The following ICA1L variants were observed in gnomAD, a reference collection of about 807,000 sequenced individuals.
The protein encoded by ICA1L is islet cell autoantigen 1 like.
A neutral mutation model predicts 61.3 loss-of-function variants in ICA1L; 50 were observed. The observed-to-expected ratio is 0.82, with a 90% CI of 0.65 to 1.03. The LOEUF is 1.03. Ranked by LOEUF, ICA1L falls within the 50% of genes least tolerant of loss-of-function variation. The pLI is 0.00. For missense variants in ICA1L, 508 were observed against 556.7 expected (o/e 0.91, Z 0.88); for synonymous variants, 161 against 191.3 (o/e 0.84, Z 1.31).
Position 202,774,186 on chromosome 2 carries a change from A to G in ICA1L, c.*5347T>C. On this transcript the variant is annotated 3_prime_UTR_variant, in exon 13 of 13. Coordinates refer to ENST00000358299, the MANE Select transcript of ICA1L (RefSeq NM_001288622.3). ...CTGAGCGGCTTCTTGGAGAGCGGGC[A>G]CACCAGGAACTCCAGCAGCGCCGGA... 2 of 1,550,788 alleles carry G rather than the reference A, an allele frequency of 1.3e-6. No individual in the cohort carries two copies. Among genetic ancestry groups the G allele is most frequent in the Non-Finnish European group, 8.7e-7 (1 of 1,146,370 alleles).
At position 202,837,999 on chromosome 2, in the gene ICA1L, G is replaced by A. The variant is rs568334000; in HGVS notation, c.-7-8983C>T. On this transcript the variant is annotated intron_variant, in intron 1 of 12. Transcript: ENST00000358299. ...CTCCCAAGGAGTTGGGATTATAGGC[G>A]CCCACCACCACGCCTGGCTAATTTT... 3.3e-5 allele frequency among the ~76,000 whole-genome samples: 5 copies of A among 151,986 alleles called. No homozygotes were observed. The East Asian group carries it at 9.7e-4, about 30-fold the overall frequency.
intron 10 of ICA1L, among the ~76,000 whole-genome samples, chr2:202,789,606 C>T (rs933377229): frequency 3.3e-5 from 5 of 152,246 alleles, no homozygotes; most frequent in African/African-American, 4.8e-5. Flanking sequence ...ACATTACAAA[C>T]AACATGCTCT....
At chr2:202,814,322 TCAGG>T (rs1693469759) in intron 8 of ICA1L, among the ~76,000 whole-genome samples, 1 of 152,046 alleles carries the variant, frequency 6.6e-6, no homozygotes, top group Non-Finnish European at 1.5e-5. Flanking sequence ...ATTAGTTCTC[TCAGG>T]AATGCTTCTG....
intron 2 of ICA1L, among the ~76,000 whole-genome samples, chr2:202,826,711 C>T (rs2105857479): frequency 6.7e-6 from 1 of 149,748 alleles, no homozygotes; most frequent in Admixed American, 6.7e-5. Context: ...ACCTTGTGAT[C>T]CACCTGCCTC....
chr2:202,822,761 A>G (rs1693733517), intron 3 of ICA1L, among the ~76,000 whole-genome samples: 1 of 152,172 alleles, frequency 6.6e-6, no homozygotes, highest in East Asian at 1.9e-4. Context: ...GCAGCAACAG[A>G]ACTCAGGCCT....
Position 202,815,976 on chromosome 2 carries a change from G to A in ICA1L, c.718C>T (p.Arg240Ter), listed in dbSNP as rs200103224. Residue 240 changes from arginine to a stop codon, truncating the protein, a stop_gained, in exon 7 of 13, where the codon CGA becomes TGA. Transcript: ENST00000358299. LOFTEE classifies it high-confidence loss of function. ...TLLGFWKKTA[R>*]MMSQIHEACI... The stretch of plus-strand genomic sequence containing the variant: ...GCTTCATGAATTTGGGACATCATTC[G>A]AGCTGTTTTCTTCCAGAATCCAAGC... The A allele has an allele frequency of 1.8e-4, 291 of 1,603,416 alleles. 1 individual carries two copies. The highest frequency in any genetic ancestry group is 2.3e-5 in the East Asian group (1 of 43,978).
chr2:202,821,563 A>AAT, intron 3 of ICA1L, 82 bp from the exon 4 acceptor site: 2 of 1,014,550 alleles, frequency 2.0e-6, no homozygotes, highest in Non-Finnish European at 2.9e-6. Flanking sequence ...ATCTCACAGC[A>AAT]ATAACTCTCT....
intron 3 of ICA1L, 120 bp from the exon 4 acceptor site, chr2:202,821,601 A>G (rs1559138449): frequency 3.0e-6 from 2 of 669,646 alleles, no homozygotes; most frequent in Non-Finnish European, 4.7e-6. Flanking sequence ...GGGAAGAAGA[A>G]GAGAGACTTA....
intron 6 of ICA1L, 62 bp from the exon 7 acceptor site, chr2:202,816,071 A>G (rs1190427144): frequency 4.9e-6 from 5 of 1,027,260 alleles, no homozygotes; most frequent in African/African-American, 3.3e-5. Flanking sequence ...TTTAAGTGCT[A>G]TATTTCCTTA....
chr2:202,789,102 TAAAAAC>T lies in ICA1L; in HGVS notation c.986-21_986-16del. ...ATCTTTTGCAACTATTGAGTGTAAATAAAAACAGAAAGGCTTTTTTGATTTTAGGAA... is the reference window on the plus strand; with the variant it reads ...ATCTTTTGCAACTATTGAGTGTAAATAGAAAGGCTTTTTTGATTTTAGGAA... On this transcript the variant is annotated splice_polypyrimidine_tract_variant and intron_variant, in intron 10 of 12. Coordinates refer to ENST00000358299, the MANE Select transcript of ICA1L (RefSeq NM_001288622.3). 1 of 1,584,566 alleles carries T rather than the reference TAAAAAC, an allele frequency of 6.3e-7. No homozygotes were observed.
intron 12 of ICA1L, among the ~76,000 whole-genome samples, chr2:202,781,598 C>T (rs901545676): frequency 2.6e-5 from 4 of 151,352 alleles, no homozygotes; most frequent in African/African-American, 9.7e-5. Context: ...AAAGACTCCT[C>T]CTCTGAAGCT....
chr2:202,862,855 T>TATAA (rs1163360061), intron 1 of ICA1L, among the ~76,000 whole-genome samples: 3 of 150,602 alleles, frequency 2.0e-5, no homozygotes, highest in Non-Finnish European at 3.0e-5. Flanking sequence ...AAAGAATAAA[T>TATAA]ATAAATAAAT....
At position 202,849,780 on chromosome 2, in the gene ICA1L, A is replaced by G. The variant is rs1047559346; in HGVS notation, c.-7-20764T>C. Among the ~76,000 whole-genome samples the G allele has an allele frequency of 6.6e-6, 1 of 152,154 alleles. No homozygotes were observed. The highest frequency in any genetic ancestry group is 2.4e-5 in the African/African-American group (1 of 41,438). Reference sequence around the variant, plus strand: ...TCCTGACAAGGAGGATTCTCCCAGCACAGCAATTGAGCTCTGCTAGGGGAC... The same window carrying G: ...TCCTGACAAGGAGGATTCTCCCAGCGCAGCAATTGAGCTCTGCTAGGGGAC... On this transcript the variant is annotated intron_variant, in intron 1 of 12. Coordinates refer to ENST00000358299, the MANE Select transcript of ICA1L (RefSeq NM_001288622.3). This position sits in a 1 kb window ranked among gnomAD's most constrained non-coding sequence, Gnocchi z 4.5.
chr2:202,824,699 G>A (rs1370373980), intron 3 of ICA1L, among the ~76,000 whole-genome samples: 1 of 152,152 alleles, frequency 6.6e-6, no homozygotes, highest in Non-Finnish European at 1.5e-5. Context: ...CTAAAGAGGA[G>A]AAGCTTTTAG....
chr2:202,808,561 C>A (rs776723519), intron 9 of ICA1L, among the ~76,000 whole-genome samples: 6 of 152,162 alleles, frequency 3.9e-5, no homozygotes, highest in Non-Finnish European at 8.8e-5. Context: ...ACAAGCCAGG[C>A]TGGATTTGTT....
chr2:202,855,009 C>T (rs1255009886), intron 1 of ICA1L, among the ~76,000 whole-genome samples: 1 of 152,126 alleles, frequency 6.6e-6, no homozygotes, highest in Non-Finnish European at 1.5e-5. Flanking sequence ...CAAAACCGTA[C>T]AGCTACATGG....
chr2:202,823,457 T>C (rs928318838), intron 3 of ICA1L, among the ~76,000 whole-genome samples: 1 of 152,190 alleles, frequency 6.6e-6, no homozygotes, highest in Non-Finnish European at 1.5e-5. Context: ...TTTCAGGGTA[T>C]ATAAACTTGC....
intron 1 of ICA1L, among the ~76,000 whole-genome samples, chr2:202,853,577 C>A (rs927362440): frequency 2.6e-5 from 4 of 151,916 alleles, no homozygotes; most frequent in Non-Finnish European, 4.4e-5. Context: ...AGGCAACCTA[C>A]AGAATGGGAG....
Position 202,786,707 on chromosome 2 carries a change from T to G in ICA1L, c.1244-700A>C, listed in dbSNP as rs567786846. Reference sequence around the variant, plus strand: ...ACTCAGTGATCCCATTCCTAGCAATTTTTCTTAAGGAAATAATTTAGCTGA... The same window carrying G: ...ACTCAGTGATCCCATTCCTAGCAATGTTTCTTAAGGAAATAATTTAGCTGA... On this transcript the variant is annotated intron_variant, in intron 11 of 12. Coordinates refer to ENST00000358299, the MANE Select transcript of ICA1L (RefSeq NM_001288622.3). 3 of 454,424 alleles carry G rather than the reference T, an allele frequency of 6.6e-6. No individual in the cohort carries two copies. In the Admixed American group the frequency reaches 7.1e-5, roughly 11 times the overall value. The allele number at this position is 454,424 out of a possible 1,614,324, so 28.1% of individuals were successfully genotyped here. A position where few individuals can be genotyped will look rare whatever the true frequency, so the allele number is the denominator to read the frequency against.
Sources: allele counts gnomAD v4.1 joint callset (sites outside exome capture counted in the v4.1 genomes callset), GRCh38; gene constraint gnomAD v4.1.1; non-coding constraint Gnocchi (gnomAD v3.1); transcripts MANE v1.5; gene names NCBI Gene and HGNC (gene_info 2026-07-23, HGNC 2026-07-21).